Variants in MAX observed in about 807,000 individuals in gnomAD.
The protein encoded by MAX is protein max.
Under a neutral mutation model 22.3 loss-of-function variants are expected in MAX, and 3 were observed. The observed-to-expected ratio is 0.13, with a 90% CI of 0.06 to 0.35. MAX has a LOEUF of 0.35. Among genes scored for constraint, MAX ranks in the 10% least tolerant of loss-of-function variants. The pLI is 1.00. For synonymous variants in MAX, 72 were observed against 77.7 expected, an observed-to-expected ratio of 0.93 and a Z score of 0.39; for missense variants, 119 against 209.4, an observed-to-expected ratio of 0.57 and a Z score of 2.66.
At position 65,011,524 on chromosome 14, in the gene MAX, TA is replaced by T. The variant is rs1421410184; in HGVS notation, c.172-5241del. On this transcript the variant is annotated intron_variant, in intron 3 of 3. Transcript: ENST00000341653. This position sits in a 1 kb window ranked among gnomAD's most constrained non-coding sequence, Gnocchi z 4.0. ...ATAAACAATTGTGGAATTGACTACC[TA>T]GCAAAGGGAATGGTTCTCTTTCCTT... Among the ~76,000 whole-genome samples the T allele has an allele frequency of 6.6e-6, 1 of 151,916 alleles. No individual in the cohort carries two copies. The highest frequency in any genetic ancestry group is 1.5e-5 in the Non-Finnish European group (1 of 67,964).
chr14:65,054,578 G>A lies in MAX; in HGVS notation c.171+39130C>T, dbSNP rs761788712. ...TCAGAGCTGCCTGTCCTTACAGGTC[G>A]CGTGATTTCTACCACACCTGCTACT... On this transcript the variant is annotated intron_variant, in intron 3 of 3. Transcript: ENST00000341653. This position sits in a 1 kb window ranked among gnomAD's most constrained non-coding sequence, Gnocchi z 4.4. 5.6e-6 allele frequency: 9 copies of A among 1,612,600 alleles called. No homozygotes were observed. The African/African-American group carries it at 6.7e-5, about 12-fold the overall frequency.
At chr14:65,053,625 T>TAAAAAAAAAAAAAA (rs201558638) in intron 3 of MAX, among the ~76,000 whole-genome samples, 2 of 146,244 alleles carry the variant, frequency 1.4e-5, no homozygotes, top group Admixed American at 6.7e-5. Flanking sequence ...CTTCTTTTTT[T>TAAAAAAAAAAAAAA]TAAAAAAAAC....
chr14:65,025,343 G>A (rs1392041499), intron 3 of MAX, among the ~76,000 whole-genome samples: 1 of 152,188 alleles, frequency 6.6e-6, no homozygotes, highest in African/African-American at 2.4e-5. Flanking sequence ...GTGCTGTTAA[G>A]TTTTGTATCA....
At chr14:65,073,096 A>G (rs1410711150), downstream of MAX, among the ~76,000 whole-genome samples, 3 of 152,228 alleles carry the variant, frequency 2.0e-5, no homozygotes, top group Non-Finnish European at 2.9e-5. Flanking sequence ...GGTCAAGCAC[A>G]TTATAAGCAT....
At position 65,032,613 on chromosome 14, in the gene MAX, C is replaced by G. The variant is rs776927907; in HGVS notation, c.172-26329G>C. 1 of 1,613,634 alleles carries G rather than the reference C, an allele frequency of 6.2e-7. No homozygotes were observed. Among genetic ancestry groups the G allele is most frequent in the Non-Finnish European group, 8.5e-7 (1 of 1,179,936 alleles). On this transcript the variant is annotated intron_variant, in intron 3 of 3. Coordinates refer to the MAX transcript ENST00000341653. The surrounding 1 kb of genome is among the most constrained non-coding windows in gnomAD (Gnocchi z 5.0). Reference sequence around the variant, plus strand: ...TTTCCCGTTTCTGTCTTTCCAGAAGCGCATACTGTGCTGCCTCCGTAGCCT... The same window carrying G: ...TTTCCCGTTTCTGTCTTTCCAGAAGGGCATACTGTGCTGCCTCCGTAGCCT...
rs1595165319 is a variant in MAX at position 65,093,256 on chromosome 14, G to A, written c.171+452C>T. 6.6e-6 allele frequency among the ~76,000 whole-genome samples: 1 copy of A among 152,210 alleles called. No homozygotes were observed. The highest frequency in any genetic ancestry group is 2.1e-4 in the South Asian group (1 of 4,830). On this transcript the variant is annotated intron_variant, in intron 3 of 4. Transcript: ENST00000358664. This position sits in a 1 kb window ranked among gnomAD's most constrained non-coding sequence, Gnocchi z 4.4. Reference sequence around the variant, plus strand: ...GGGGCTGGAAAATCAATGGTGCCCAGGTTGTTTTTCACATACATTACACAC... The same window carrying A: ...GGGGCTGGAAAATCAATGGTGCCCAAGTTGTTTTTCACATACATTACACAC...
rs1420190129 is a variant in MAX, at chr14:65,012,992, A to G, written c.172-6708T>C. On this transcript the variant is annotated intron_variant, in intron 3 of 3. Transcript: ENST00000341653. The surrounding 1 kb of genome is among the most constrained non-coding windows in gnomAD (Gnocchi z 5.0). The stretch of plus-strand genomic sequence containing the variant: ...TAATATTTCCCAGAGCAACGTCAGG[A>G]CTGGGTGACGGTGGAGGGGACAGAT... Among the ~76,000 whole-genome samples the G allele has an allele frequency of 6.6e-6, 1 of 152,158 alleles. No homozygotes were observed. The highest frequency in any genetic ancestry group is 1.5e-5 in the Non-Finnish European group (1 of 68,016).
chr14:65,059,391 T>C (rs1390999244), intron 3 of MAX, among the ~76,000 whole-genome samples: 4 of 152,046 alleles, frequency 2.6e-5, no homozygotes, highest in Admixed American at 1.3e-4. Context: ...TGTTTCTTTG[T>C]AGGTTTGATA....
chr14:65,099,832 T>C (rs2063781710), intron 2 of MAX, among the ~76,000 whole-genome samples: 1 of 152,062 alleles, frequency 6.6e-6, no homozygotes, highest in Admixed American at 6.5e-5. Flanking sequence ...TAAAACAAAT[T>C]ATCTTTAATG....
rs1482132234 is a variant in MAX at position 65,030,808 on chromosome 14, TTTTG to T, written c.172-24528_172-24525del. The stretch of plus-strand genomic sequence containing the variant: ...TCTTAGGAGCCCTTAGGAATATACT[TTTTG>T]TTTGTTTTGTTTTGAGATGGAGTTT... On this transcript the variant is annotated intron_variant, in intron 3 of 3. Coordinates refer to the MAX transcript ENST00000341653. This position sits in a 1 kb window ranked among gnomAD's most constrained non-coding sequence, Gnocchi z 4.5. Among the ~76,000 whole-genome samples, 1 of 151,964 alleles carries T rather than the reference TTTTG, an allele frequency of 6.6e-6. No homozygotes were observed. Among genetic ancestry groups the T allele is most frequent in the African/African-American group, 2.4e-5 (1 of 41,376 alleles).
At chr14:65,021,748 C>T (rs1229607560) in intron 3 of MAX, among the ~76,000 whole-genome samples, 1 of 152,154 alleles carries the variant, frequency 6.6e-6, no homozygotes, top group African/African-American at 2.4e-5. Context: ...CGGGTTCAAG[C>T]GATTCTCGTG....
intron 2 of MAX, among the ~76,000 whole-genome samples, chr14:65,098,554 A>G (rs1232882116): frequency 6.6e-6 from 1 of 152,192 alleles, no homozygotes. Context: ...GTATACTTAC[A>G]CTCTTTCCTA....
At chr14:65,090,098 C>A (rs1382645481) in intron 3 of MAX, 3 of 152,138 alleles carry the variant, frequency 2.0e-5, no homozygotes, top group African/African-American at 4.8e-5. Context: ...ATCCTTAATA[C>A]CCTGCATTTC....
At chr14:65,072,846 C>T (rs1276599484), downstream of MAX, among the ~76,000 whole-genome samples, 2 of 152,204 alleles carry the variant, frequency 1.3e-5, no homozygotes, top group Admixed American at 6.5e-5. Flanking sequence ...GCTTTAGTCT[C>T]GAAGAGTTTG....
chr14:65,061,315 G>A, intron 3 of MAX: 1 of 1,613,588 alleles, frequency 6.2e-7, no homozygotes, highest in South Asian at 1.1e-5. Context: ...CCGACTAGAG[G>A]ACCTGGGTCC....
At chr14:65,053,355 T>C (rs960182556) in intron 3 of MAX, 4 of 1,415,146 alleles carry the variant, frequency 2.8e-6, no homozygotes, top group Non-Finnish European at 3.7e-6. Flanking sequence ...GGCAAGTGAG[T>C]GTTTTCTCTC....
At position 65,076,701 on chromosome 14, in the gene MAX, G is replaced by A. The variant is rs752482677; in HGVS notation, c.296-38C>T. 24 of 1,613,256 alleles carry A rather than the reference G, an allele frequency of 1.5e-5. No individual in the cohort carries two copies. The South Asian group carries it at 2.5e-4, about 17-fold the overall frequency. ...CAAGGGAGTGTGTTACTGCCTTCTG[G>A]AGACTTGGGGAGTAACCGAGTCTCA... On this transcript the variant is annotated intron_variant, in intron 4 of 4. Coordinates refer to ENST00000358664, the MANE Select transcript of MAX (RefSeq NM_002382.5). This position sits in a 1 kb window ranked among gnomAD's most constrained non-coding sequence, Gnocchi z 6.6.
In MAX at chr14:65,034,370, CA is replaced by C. The variant is rs1206979123; in HGVS notation, c.172-28087del. ...TGAAGTATTGTACTCCAACAGATCC[CA>C]AAAAAGGGTACCTGGGAGATACATT... is the stretch of plus-strand genomic sequence containing the variant. On this transcript the variant is annotated intron_variant, in intron 3 of 3. Coordinates refer to the MAX transcript ENST00000341653. 2.0e-5 allele frequency among the ~76,000 whole-genome samples: 3 copies of C among 152,018 alleles called. No individual in the cohort carries two copies. In the East Asian group the frequency reaches 5.8e-4, roughly 29 times the overall value.
intron 3 of MAX, chr14:65,016,503 C>T (rs2061775601): frequency 6.6e-6 from 1 of 152,232 alleles, no homozygotes; most frequent in Admixed American, 6.6e-5. Flanking sequence ...GTCGAAGCAT[C>T]TGGGATGAGA....
Sources: gnomAD v4.1 joint callset for allele counts (sites outside exome capture counted in the v4.1 genomes callset) on GRCh38, gnomAD v4.1.1 for gene constraint, Gnocchi (gnomAD v3.1) non-coding constraint, MANE v1.5 for transcripts, NCBI Gene and HGNC (gene_info 2026-07-23, HGNC 2026-07-21) for gene names.